The following RBM4B variants were observed in gnomAD, a reference collection of about 807,000 sequenced individuals.
The protein encoded by RBM4B is RNA binding motif protein 4B, also known as RNA-binding protein 4B.
A neutral mutation model predicts 28.5 loss-of-function variants in RBM4B; 13 were observed. The ratio of observed to expected loss-of-function variants is 0.46; its 90% CI spans 0.30 to 0.72. The LOEUF (loss-of-function observed/expected upper bound fraction) is 0.72. RBM4B is among the 30% of genes least tolerant of loss of function. The probability of loss-of-function intolerance (pLI) is 0.09; values close to 1 mark genes in which losing one functional copy is unlikely to be tolerated. For synonymous variants in RBM4B, 167 were observed against 179.1 expected (o/e 0.93, Z 0.54); for missense variants, 387 against 477.6 (o/e 0.81, Z 1.77).
intron 2 of RBM4B, 40 bp from the exon 3 acceptor site, chr11:66,669,331 T>C: frequency 3.8e-6 from 6 of 1,574,286 alleles, no homozygotes; most frequent in Non-Finnish European, 5.2e-6. Flanking sequence ...TTTAACTCAC[T>C]TGACATTCTT....
chr11:66,668,859 G>A lies in RBM4B; in HGVS notation c.845C>T (p.Ala282Val). ...DRHLLPNSGA[A>V]ATSAAMAAAA... ...AGCAGCCATAGCAGCTGAAGTGGCA[G>A]CAGCGCCAGAGTTTGGCAATAGGTG... Residue 282 changes from alanine to valine, a missense_variant, in exon 3 of 4, where the codon GCT (alanine) becomes GTT (valine). Physicochemically the swap from Ala to Val is moderately conservative, Grantham distance 64. Transcript: ENST00000310046. The A allele has an allele frequency of 1.9e-6, 3 of 1,614,220 alleles. No homozygotes were observed. Among genetic ancestry groups the A allele is most frequent in the Non-Finnish European group, 2.5e-6 (3 of 1,180,038 alleles).
Position 66,668,843 on chromosome 11 carries a change from A to T in RBM4B, c.861T>A (p.Ala287=), listed in dbSNP as rs145860110. 3 of 1,614,178 alleles carry T rather than the reference A, an allele frequency of 1.9e-6. No homozygotes were observed. Among genetic ancestry groups the T allele is most frequent in the Admixed American group, 1.7e-5 (1 of 60,030 alleles). Residue 287 remains alanine (A), a synonymous_variant, in exon 3 of 4, where the codon GCT becomes GCA. Transcript: ENST00000310046. ...PNSGAAATSA[A]MAAAAATTSS... is the part of the protein sequence containing the mutation. ...AAGTGGTGGCTGCAGCAGCAGCCAT[A>T]GCAGCTGAAGTGGCAGCAGCGCCAG... is the stretch of plus-strand genomic sequence containing the variant.
In RBM4B at chr11:66,665,678, A is replaced by G. The variant is rs1266613615; in HGVS notation, c.*10-100T>C. The G allele has an allele frequency of 5.9e-6, 9 of 1,512,788 alleles. No individual in the cohort carries two copies. In the Admixed American group the frequency reaches 6.6e-5, roughly 11 times the overall value. 93.7% of individuals were successfully genotyped at this position (1,512,788 alleles called of 1,614,324 possible). A position where few individuals can be genotyped will look rare whatever the true frequency, so the allele number is the denominator to read the frequency against. On this transcript the variant is annotated intron_variant, in intron 3 of 3. Coordinates refer to ENST00000310046, the MANE Select transcript of RBM4B (RefSeq NM_031492.4). ...GTCCTGTCCTGTATTCCGGGGGGAAAAAAAAGAACAAAACAAAACCAAGTC... is the reference window on the plus strand; with the variant it reads ...GTCCTGTCCTGTATTCCGGGGGGAAGAAAAAGAACAAAACAAAACCAAGTC...
intron 2 of RBM4B, among the ~76,000 whole-genome samples, chr11:66,675,066 G>A (rs1234626904): frequency 9.2e-5 from 14 of 152,108 alleles, no homozygotes; most frequent in Admixed American, 8.5e-4. Flanking sequence ...TTTAAAAGCT[G>A]AAAATGCAAC....
chr11:66,665,634 C>G lies in RBM4B; in HGVS notation c.*10-56G>C. 5.2e-6 allele frequency: 8 copies of G among 1,535,340 alleles called. No homozygotes were observed. The South Asian group carries it at 9.5e-5, about 18-fold the overall frequency. The stretch of plus-strand genomic sequence containing the variant: ...ACAATGCCTGGAGAGCAGCCTGGCT[C>G]CGCGTACAAGCGCCCTGGGTCCTGT... On this transcript the variant is annotated intron_variant, in intron 3 of 3. Transcript: ENST00000310046.
chr11:66,668,828 TGCAGCAGCAGCCATAGCAGCTGAAGTG>T lies in RBM4B; in HGVS notation c.849_875del (p.Thr284_Ala292del). 1.2e-6 allele frequency: 2 copies of T among 1,614,132 alleles called. No homozygotes were observed. Among genetic ancestry groups the T allele is most frequent in the Non-Finnish European group, 1.7e-6 (2 of 1,180,022 alleles). On this transcript the variant is annotated inframe_deletion, in exon 3 of 4. Transcript: ENST00000310046. ...TTCCATAGTAGGAGGAAGTGGTGGC[TGCAGCAGCAGCCATAGCAGCTGAAGTG>T]GCAGCAGCGCCAGAGTTTGGCAATA...
chr11:66,677,285 G>A (rs1354684310), intron 1 of RBM4B, 194 bp from the exon 2 acceptor site: 1 of 670,194 alleles, frequency 1.5e-6, no homozygotes, highest in Non-Finnish European at 2.5e-6. Context: ...GCAAACAGGA[G>A]GTCGAGGGTC....
At chr11:66,675,015 CA>C (rs1317546431) in intron 2 of RBM4B, among the ~76,000 whole-genome samples, 1 of 152,222 alleles carries the variant, frequency 6.6e-6, no homozygotes, top group Non-Finnish European at 1.5e-5. Flanking sequence ...CACTGTCCAT[CA>C]TGATGATTTC....
intron 2 of RBM4B, among the ~76,000 whole-genome samples, chr11:66,674,177 C>CTTTTT (rs926208528): frequency 8.0e-6 from 1 of 124,456 alleles, no homozygotes; most frequent in Non-Finnish European, 1.7e-5. Context: ...ATTTTTTTTT[C>CTTTTT]TTTTTTTTTT....
Position 66,665,538 on chromosome 11 carries a change from A to G in RBM4B, c.*50T>C. ...GGGACCGCGCGGAGCAAGTTCTCAT[A>G]TATGACCGCAGCCCGAGGGTTCAGT... On this transcript the variant is annotated 3_prime_UTR_variant, in exon 4 of 4. Coordinates refer to ENST00000310046, the MANE Select transcript of RBM4B (RefSeq NM_031492.4). 1.7e-5 allele frequency: 26 copies of G among 1,495,546 alleles called. No homozygotes were observed. The highest frequency in any genetic ancestry group is 2.3e-5 in the Non-Finnish European group (25 of 1,109,808). The allele number at this position is 1,495,546 out of a possible 1,614,324, so 92.6% of individuals were successfully genotyped here. A position where few individuals can be genotyped will look rare whatever the true frequency, so the allele number is the denominator to read the frequency against.
chr11:66,672,406 T>TAAAAA (rs539171629), intron 2 of RBM4B, among the ~76,000 whole-genome samples: 3 of 59,012 alleles, frequency 5.1e-5, no homozygotes, highest in Admixed American at 2.1e-4. Flanking sequence ...CAAGACTGTC[T>TAAAAA]AAAAAAAAAA....
chr11:66,670,988 TGGAAATAGCCCTATTGA>T, intron 2 of RBM4B: 1 of 702,604 alleles, frequency 1.4e-6, no homozygotes, highest in South Asian at 1.5e-5. Context: ...ACCATCCTGT[TGGAAATAGCCCTATTGA>T]GGACGGCAGC....
At chr11:66,672,028 G>A (rs1452973016) in intron 2 of RBM4B, among the ~76,000 whole-genome samples, 1 of 151,942 alleles carries the variant, frequency 6.6e-6, no homozygotes, top group Non-Finnish European at 1.5e-5. Context: ...GATTACAGGC[G>A]TGACCACTGC....
intron 3 of RBM4B, chr11:66,668,156 GGTCCA>G (rs1939316223): frequency 6.1e-6 from 1 of 164,738 alleles, no homozygotes; most frequent in African/African-American, 2.4e-5. Flanking sequence ...GTATCAGACA[GGTCCA>G]AATTTGAATT....
intron 2 of RBM4B, among the ~76,000 whole-genome samples, chr11:66,675,018 G>A (rs1367545410): frequency 6.6e-6 from 1 of 152,162 alleles, no homozygotes; most frequent in Non-Finnish European, 1.5e-5. Flanking sequence ...TGTCCATCAT[G>A]ATGATTTCCC....
intron 2 of RBM4B, among the ~76,000 whole-genome samples, chr11:66,670,577 T>C (rs1461959701): frequency 1.3e-5 from 2 of 152,134 alleles, no homozygotes; most frequent in African/African-American, 2.4e-5. Context: ...GATGAAAGCA[T>C]CTGAAGTCTT....
intron 2 of RBM4B, among the ~76,000 whole-genome samples, chr11:66,674,418 C>T (rs1415476937): frequency 5.3e-5 from 8 of 151,436 alleles, no homozygotes; most frequent in Non-Finnish European, 1.2e-4. Context: ...TTAGTAGAGA[C>T]GGGGTTTCAC....
intron 1 of RBM4B, 64 bp downstream of exon 1, chr11:66,677,700 G>T (rs1485417235): frequency 6.5e-6 from 1 of 153,256 alleles, no homozygotes; most frequent in Non-Finnish European, 1.5e-5. Flanking sequence ...CGTGCAGTCT[G>T]CCGGAGGCCC....
chr11:66,675,006 A>C (rs777037421), intron 2 of RBM4B, among the ~76,000 whole-genome samples: 1 of 152,250 alleles, frequency 6.6e-6, no homozygotes, highest in Non-Finnish European at 1.5e-5. Flanking sequence ...CCCAGTCTCC[A>C]CTGTCCATCA....
Sources: gnomAD v4.1 joint callset for allele counts (sites outside exome capture counted in the v4.1 genomes callset) on GRCh38, gnomAD v4.1.1 for gene constraint, MANE v1.5 for transcripts, NCBI Gene and HGNC (gene_info 2026-07-23, HGNC 2026-07-21) for gene names.